The following OTUD5 variants were observed in gnomAD, a reference collection of about 807,000 sequenced individuals.
The protein encoded by OTUD5 is OTU domain-containing protein 5.
Under a neutral mutation model 36.3 loss-of-function variants are expected in OTUD5, and 2 were observed. The ratio of observed to expected loss-of-function variants is 0.06; its 90% CI spans 0.02 to 0.17. OTUD5 has a LOEUF of 0.17. OTUD5 is among the 10% of genes least tolerant of loss of function. The pLI, the probability that OTUD5 is intolerant of heterozygous loss-of-function variation, is 1.00. For synonymous variants in OTUD5, 234 were observed against 214.9 expected, an observed-to-expected ratio of 1.09 and a Z score of -0.78; for missense variants, 233 against 512.3, an observed-to-expected ratio of 0.45 and a Z score of 5.26.
At chrX:48,926,198 T>G in intron 5 of OTUD5, 148 bp from the exon 6 acceptor site, 2 of 459,935 alleles carry the variant, frequency 4.3e-6, no homozygotes, top group Non-Finnish European at 7.5e-6. Context: ...CTCCACAGAC[T>G]ACCTCTTGAT....
intron 5 of OTUD5, among the ~76,000 whole-genome samples, chrX:48,933,374 A>C (rs782674583): frequency 9.1e-6 from 1 of 110,456 alleles, no homozygotes; most frequent in African/African-American, 3.3e-5. Flanking sequence ...TTAATACATT[A>C]ATCATAGCGA....
upstream of OTUD5, among the ~76,000 whole-genome samples, chrX:48,958,047 A>C (rs185180450): frequency 2.7e-5 from 3 of 112,929 alleles, no homozygotes; most frequent in East Asian, 8.5e-4. Context: ...CGCCACAACA[A>C]TTGCAACACC....
At chrX:48,944,900 T>C (rs782316741) in intron 1 of OTUD5, among the ~76,000 whole-genome samples, 2 of 110,573 alleles carry the variant, frequency 1.8e-5, no homozygotes, top group South Asian at 7.6e-4. Context: ...TGCATGCCTG[T>C]AATCCCAGCT....
At chrX:48,941,265 T>C (rs2063915340) in intron 2 of OTUD5, among the ~76,000 whole-genome samples, 1 of 109,103 alleles carries the variant, frequency 9.2e-6, no homozygotes, top group Admixed American at 9.8e-5. Flanking sequence ...ACCCCATCTC[T>C]GCTAAAAACA....
chrX:48,956,896 C>G (rs892629831), intron 1 of OTUD5, 81 bp downstream of exon 1: 2 of 1,002,417 alleles, frequency 2.0e-6, no homozygotes, highest in African/African-American at 4.1e-5. Flanking sequence ...GGGGCGATCT[C>G]AAACAGCCTT....
chrX:48,929,963 G>C lies in OTUD5; in HGVS notation c.1060-3913C>G, dbSNP rs4824734. On this transcript the variant is annotated intron_variant, in intron 5 of 8. Transcript: ENST00000376488. Reference sequence around the variant, plus strand: ...ACTAAAAATACAAAAAATTAGCCAGGTGTGGTGGCAGGCACCTGTAGTACC... The same window carrying C: ...ACTAAAAATACAAAAAATTAGCCAGCTGTGGTGGCAGGCACCTGTAGTACC... Among the ~76,000 whole-genome samples the C allele has an allele frequency of 4.9e-3, 534 of 109,518 alleles. 11 individuals carry two copies. Among genetic ancestry groups the C allele is most frequent in the Admixed American group, 0.048 (492 of 10,274 alleles).
At chrX:48,954,779 G>A (rs1266174593) in intron 1 of OTUD5, among the ~76,000 whole-genome samples, 1 of 112,249 alleles carries the variant, frequency 8.9e-6, no homozygotes, top group East Asian at 2.8e-4. Context: ...ACCTAGAGGT[G>A]AGAAGCAAGC....
chrX:48,944,332 C>T (rs1557051876), intron 1 of OTUD5, 49 bp from the exon 2 acceptor site: 1 of 844,279 alleles, frequency 1.2e-6, no homozygotes, highest in Middle Eastern at 3.7e-4. Flanking sequence ...TGTACTCCCT[C>T]CCCAGGGCCC....
At chrX:48,954,766 A>G (rs1183998663) in intron 1 of OTUD5, among the ~76,000 whole-genome samples, 1 of 112,084 alleles carries the variant, frequency 8.9e-6, no homozygotes, top group Non-Finnish European at 1.9e-5. Context: ...AACTTATTAT[A>G]TGACCTAGAG....
At position 48,934,790 on chromosome X, in the gene OTUD5, A is replaced by G; in HGVS notation, c.831T>C (p.Asn277=). 1.7e-6 allele frequency: 2 copies of G among 1,210,274 alleles called. No individual in the cohort carries two copies. Among genetic ancestry groups the G allele is most frequent in the Non-Finnish European group, 2.2e-6 (2 of 894,166 alleles). ...TTYINRKRKN[N]CHGNHIEMQA... is the part of the protein sequence containing the mutation. ...GCATCTCAATGTGGTTGCCATGGCA[A>G]TTGTTTTTCCGCTTCCTGTTAATGT... The change falls in exon 4 of 9, where the codon AAT becomes AAC. Residue 277 remains asparagine, a synonymous_variant. Transcript: ENST00000376488.
At chrX:48,932,187 T>C (rs2063765723) in intron 5 of OTUD5, among the ~76,000 whole-genome samples, 1 of 106,417 alleles carries the variant, frequency 9.4e-6, no homozygotes, top group South Asian at 4.0e-4. Flanking sequence ...ATAATAATAA[T>C]AATAATAATA....
upstream of OTUD5, chrX:48,957,752 TGGC>T: frequency 1.3e-6 from 1 of 772,030 alleles, no homozygotes; most frequent in Non-Finnish European, 1.5e-6. Context: ...GCGGCGGCGG[TGGC>T]GGCGCGCGGG....
chrX:48,923,094 A>T lies in OTUD5; in HGVS notation c.*80T>A. The T allele has an allele frequency of 2.5e-6, 3 of 1,201,620 alleles. No individual in the cohort carries two copies. The highest frequency in any genetic ancestry group is 3.4e-6 in the Non-Finnish European group (3 of 889,873). Reference sequence around the variant, plus strand: ...GAAAGAACAGAAGGAGGCAAGAGGGAAGAAGCCAAAGAAGGTGAGGTGGCA... The same window carrying T: ...GAAAGAACAGAAGGAGGCAAGAGGGTAGAAGCCAAAGAAGGTGAGGTGGCA... On this transcript the variant is annotated 3_prime_UTR_variant, in exon 9 of 9. Transcript: ENST00000376488.
At chrX:48,932,628 G>C (rs1255193664) in intron 5 of OTUD5, among the ~76,000 whole-genome samples, 1 of 110,783 alleles carries the variant, frequency 9.0e-6, no homozygotes, top group Non-Finnish European at 1.9e-5. Context: ...CACCTGGCCA[G>C]AACATTCATA....
chrX:48,952,468 T>C (rs1034620531), intron 1 of OTUD5, among the ~76,000 whole-genome samples: 1 of 112,431 alleles, frequency 8.9e-6, no homozygotes, highest in African/African-American at 3.2e-5. Context: ...GTATGGTACA[T>C]GAATTACATC....
chrX:48,936,502 C>G (rs1250533405), intron 2 of OTUD5: 1 of 111,770 alleles, frequency 8.9e-6, no homozygotes, highest in African/African-American at 3.3e-5. Context: ...TCGCCTCAGA[C>G]TCCCAAAGTG....
At chrX:48,925,826 G>A in intron 6 of OTUD5, 21 bp downstream of exon 6, 1 of 1,184,556 alleles carries the variant, frequency 8.4e-7, no homozygotes, top group Non-Finnish European at 1.1e-6. Flanking sequence ...GGCCAAGCCT[G>A]TGACAGAGTC....
chrX:48,937,412 T>G (rs1454186755), intron 2 of OTUD5, among the ~76,000 whole-genome samples: 3 of 112,088 alleles, frequency 2.7e-5, no homozygotes, highest in African/African-American at 9.7e-5. Context: ...CTCAGAGAGA[T>G]AGGCTGAGGT....
chrX:48,954,907 T>A (rs782003777), intron 1 of OTUD5, among the ~76,000 whole-genome samples: 3 of 112,019 alleles, frequency 2.7e-5, no homozygotes, highest in African/African-American at 9.7e-5. Context: ...TTCTTGGCCC[T>A]GGCCACGAGG....
Sources: allele counts gnomAD v4.1 joint callset (sites outside exome capture counted in the v4.1 genomes callset), GRCh38; gene constraint gnomAD v4.1.1; transcripts MANE v1.5; gene names NCBI Gene and HGNC (gene_info 2026-07-23, HGNC 2026-07-21).